The following LRP2 variants were observed in gnomAD, a reference collection of about 807,000 sequenced individuals.
LRP2 encodes the protein low-density lipoprotein receptor-related protein 2.
In LRP2, 172 loss-of-function variants were observed where a neutral mutation model predicts 531.0. The observed-to-expected ratio is 0.32, with a 90% confidence interval of 0.29 to 0.37. LRP2 has a LOEUF of 0.37. LRP2 is among the 10% of genes least tolerant of loss of function. The pLI is 1.00. For missense variants in LRP2, 5,167 were observed against 5,868.3 expected (o/e 0.88, Z 3.90); for synonymous variants, 1,992 against 2,027.6 (o/e 0.98, Z 0.47).
At chr2:169,140,383 G>T in intron 72 of LRP2, 72 bp downstream of exon 72, 1 of 1,182,220 alleles carries the variant, frequency 8.5e-7, no homozygotes, top group Non-Finnish European at 1.3e-6. Context: ...TTGTTTTCCT[G>T]GCTACTTTAA....
Position 169,255,940 on chromosome 2 carries a change from T to C in LRP2, c.2770+166A>G, listed in dbSNP as rs547706461. ...CACACTCTAAAAATGAAATACACCA[T>C]CAACAAACCAAATGTTTTGTCTAAA... is the stretch of plus-strand genomic sequence containing the variant. On this transcript the variant is annotated intron_variant, in intron 19 of 78. Coordinates refer to ENST00000649046, the MANE Select transcript of LRP2 (RefSeq NM_004525.3). Among the ~76,000 whole-genome samples, 12 of 150,104 alleles carry C rather than the reference T, an allele frequency of 8.0e-5. No individual in the cohort carries two copies. The Admixed American group carries it at 8.1e-4, about 10-fold the overall frequency.
At chr2:169,361,147 C>T (rs533706002) in intron 1 of LRP2, among the ~76,000 whole-genome samples, 24 of 152,168 alleles carry the variant, frequency 1.6e-4, no homozygotes, top group Admixed American at 1.0e-3. Flanking sequence ...TCTCCCATCC[C>T]CACAGACAGA....
intron 76 of LRP2, among the ~76,000 whole-genome samples, chr2:169,136,554 T>A (rs987495108): frequency 6.6e-6 from 1 of 151,990 alleles, no homozygotes; most frequent in Non-Finnish European, 1.5e-5. Context: ...AAATGGCCGG[T>A]CCTTGCCTTA....
chr2:169,280,351 T>C lies in LRP2; in HGVS notation c.1340A>G (p.Lys447Arg). 6.2e-7 allele frequency: 1 copy of C among 1,614,166 alleles called. No individual in the cohort carries two copies. The highest frequency in any genetic ancestry group is 8.5e-7 in the Non-Finnish European group (1 of 1,179,994). The change falls in exon 11 of 79, where the codon AAG becomes AGG. Residue 447 changes from lysine to arginine, a missense_variant and splice_region_variant. Transcript: ENST00000649046. ...RVFWTDTVQN[K>R]VFSVDINGLN... Reference sequence around the variant, plus strand: ...TCAGCTACTGAAATTTCTATTTACCTTATTTTGCACGGTGTCTGTCCAAAA... The same window carrying C: ...TCAGCTACTGAAATTTCTATTTACCCTATTTTGCACGGTGTCTGTCCAAAA...
chr2:169,327,091 G>A (rs1375568992), intron 1 of LRP2, among the ~76,000 whole-genome samples: 22 of 145,016 alleles, frequency 1.5e-4, no homozygotes, highest in Admixed American at 2.7e-4. Context: ...AGGTGGGGGG[G>A]TCAGCCCCCC....
Position 169,257,127 on chromosome 2 carries a change from C to A in LRP2, c.2636G>T (p.Trp879Leu). Residue 879 changes from tryptophan to leucine, a missense_variant, in exon 18 of 79, where the codon TGG becomes TTG. Physicochemically the swap from Trp to Leu is moderately conservative, Grantham distance 61. This residue lies in a region of LRP2 where 2,811 missense variants were observed against 3,058.0 expected (regional missense o/e 0.92). Coordinates refer to ENST00000649046, the MANE Select transcript of LRP2 (RefSeq NM_004525.3). ...LGWPNGLAID[W>L]AASRLYWVDA... ...GGGGATGATGATTCCTACTTACGCC[C>A]AATCGATGGCCAAGCCATTGGGCCA... is the stretch of plus-strand genomic sequence containing the variant. The A allele has an allele frequency of 1.9e-6, 3 of 1,612,576 alleles. No homozygotes were observed. Among genetic ancestry groups the A allele is most frequent in the South Asian group, 1.1e-5 (1 of 91,030 alleles).
intron 1 of LRP2, among the ~76,000 whole-genome samples, chr2:169,345,754 C>CAA (rs72365288): frequency 5.4e-5 from 6 of 111,458 alleles, no homozygotes; most frequent in Middle Eastern, 4.8e-3. Flanking sequence ...AGGGGGCGGT[C>CAA]AAAAAAAAAA....
chr2:169,319,118 G>A (rs1214002956), intron 2 of LRP2, among the ~76,000 whole-genome samples: 1 of 152,046 alleles, frequency 6.6e-6, no homozygotes, highest in Non-Finnish European at 1.5e-5. Flanking sequence ...AAAACACAGA[G>A]AATAAAACAA....
At chr2:169,225,234 G>A in intron 33 of LRP2, 76 bp downstream of exon 33, 1 of 1,456,998 alleles carries the variant, frequency 6.9e-7, no homozygotes, top group South Asian at 1.1e-5. Flanking sequence ...AAATCCACGT[G>A]AGATCTATTC....
intron 4 of LRP2, among the ~76,000 whole-genome samples, chr2:169,296,558 T>A (rs1407891188): frequency 1.3e-5 from 2 of 151,898 alleles, no homozygotes; most frequent in African/African-American, 2.4e-5. Context: ...ATCTAGCCTT[T>A]TAAGAGCAGC....
chr2:169,158,976 C>T (rs1221233280), intron 63 of LRP2, among the ~76,000 whole-genome samples: 1 of 152,132 alleles, frequency 6.6e-6, no homozygotes, highest in Non-Finnish European at 1.5e-5. Context: ...CATTGTTCAT[C>T]ATTGCCCCAA....
chr2:169,280,241 C>CT, intron 11 of LRP2, 109 bp downstream of exon 11: 1 of 1,233,648 alleles, frequency 8.1e-7, no homozygotes, highest in Non-Finnish European at 1.2e-6. Flanking sequence ...TCTCAAGGGC[C>CT]TTTTTTGTTA....
intron 31 of LRP2, 51 bp downstream of exon 31, chr2:169,231,663 C>A (rs1689408909): frequency 6.2e-7 from 1 of 1,611,698 alleles, no homozygotes; most frequent in African/African-American, 1.3e-5. Context: ...CTGCTTGGCA[C>A]AAACTATGAC....
intron 16 of LRP2, 149 bp downstream of exon 16, chr2:169,270,755 A>G (rs2105436776): frequency 1.0e-5 from 1 of 96,220 alleles, no homozygotes; most frequent in African/African-American, 3.9e-5. Flanking sequence ...AAAGTAAAAT[A>G]GTATAAATAA....
intron 9 of LRP2, among the ~76,000 whole-genome samples, chr2:169,287,373 G>T (rs570934353): frequency 6.6e-6 from 1 of 152,210 alleles, no homozygotes; most frequent in Admixed American, 6.5e-5. Context: ...TACTTAAGAG[G>T]AGCAATTAGA....
At chr2:169,282,020 T>C (rs970220989) in intron 10 of LRP2, among the ~76,000 whole-genome samples, 1 of 152,154 alleles carries the variant, frequency 6.6e-6, no homozygotes, top group African/African-American at 2.4e-5. Context: ...TCACTACATA[T>C]CTTCTTATAA....
rs766424343 is a variant in LRP2, at chr2:169,175,245, G to A, written c.10716C>T (p.Cys3572=). 7 of 1,614,188 alleles carry A rather than the reference G, an allele frequency of 4.3e-6. No homozygotes were observed. In the South Asian group the frequency reaches 5.5e-5, roughly 13 times the overall value. The change falls in exon 55 of 79, where the codon TGC becomes TGT. Residue 3572 remains cysteine (C), a synonymous_variant. Transcript: ENST00000649046. ...CATCAGGGCAATTTTGGTGAGCATT[G>A]CATAAAGTCTGCGGGCTGGTGCAGT... ...DGNCTSPQTL[C]NAHQNCPDGS...
intron 62 of LRP2, among the ~76,000 whole-genome samples, chr2:169,164,957 C>A (rs996043848): frequency 3.9e-5 from 6 of 152,112 alleles, no homozygotes; most frequent in African/African-American, 1.4e-4. Flanking sequence ...TATTTCTGGG[C>A]TTTCATGCTT....
In LRP2 at chr2:169,320,758, C is replaced by T. The variant is rs749559213; in HGVS notation, c.187+19G>A. The T allele has an allele frequency of 6.3e-7, 1 of 1,595,102 alleles. No individual in the cohort carries two copies. Among genetic ancestry groups the T allele is most frequent in the African/African-American group, 1.3e-5 (1 of 74,468 alleles). On this transcript the variant is annotated intron_variant, in intron 2 of 78. Coordinates refer to ENST00000649046, the MANE Select transcript of LRP2 (RefSeq NM_004525.3). ...TAGGTTACTCAAAATAGAACTTAGC[C>T]TGGCCCCTCCTCACTTACCGCAGCC... is the stretch of plus-strand genomic sequence containing the variant.
Sources: allele counts gnomAD v4.1 joint callset (sites outside exome capture counted in the v4.1 genomes callset), GRCh38; gene constraint gnomAD v4.1.1; regional missense constraint gnomAD v4.1.1; transcripts MANE v1.5; gene names NCBI Gene and HGNC (gene_info 2026-07-23, HGNC 2026-07-21).